Variants in GABRB3 observed in about 807,000 individuals in gnomAD.
GABRB3 encodes the protein gamma-aminobutyric acid receptor subunit beta-3.
In GABRB3, 14 loss-of-function variants were observed where a neutral mutation model predicts 52.1. The observed-to-expected ratio is 0.27, with a 90% confidence interval of 0.18 to 0.42. The LOEUF (loss-of-function observed/expected upper bound fraction) is 0.42. GABRB3 is among the 10% of genes least tolerant of loss of function. GABRB3 has a pLI of 1.00. For synonymous variants in GABRB3, 260 were observed against 232.3 expected (o/e 1.12, Z -1.08); for missense variants, 307 against 609.1 (o/e 0.50, Z 5.22).
intron 3 of GABRB3, among the ~76,000 whole-genome samples, chr15:26,748,927 G>A (rs964086319): frequency 6.6e-6 from 1 of 152,116 alleles, no homozygotes; most frequent in Non-Finnish European, 1.5e-5. Context: ...TTGGGAGGCT[G>A]AGGCAGGAGA....
At chr15:26,671,725 A>G (rs1166748126) in intron 3 of GABRB3, among the ~76,000 whole-genome samples, 1 of 152,120 alleles carries the variant, frequency 6.6e-6, no homozygotes, top group Non-Finnish European at 1.5e-5. Flanking sequence ...ACATGTTTTC[A>G]ATTTACTTTG....
At chr15:26,682,931 G>A (rs1057452717) in intron 3 of GABRB3, among the ~76,000 whole-genome samples, 22 of 152,202 alleles carry the variant, frequency 1.4e-4, no homozygotes, top group African/African-American at 5.3e-4. Flanking sequence ...CTCTCACAGT[G>A]CCAGGAGCTC....
chr15:26,718,199 C>CTTAT (rs921546172), intron 3 of GABRB3, among the ~76,000 whole-genome samples: 12 of 152,168 alleles, frequency 7.9e-5, no homozygotes, highest in South Asian at 2.1e-4. Flanking sequence ...TAGCTTATTT[C>CTTAT]TTATTTATTT....
At chr15:26,700,794 G>T (rs1888904761) in intron 3 of GABRB3, among the ~76,000 whole-genome samples, 1 of 152,190 alleles carries the variant, frequency 6.6e-6, no homozygotes, top group Non-Finnish European at 1.5e-5. Flanking sequence ...AGTGGCTCAC[G>T]CCTGTAATCC....
chr15:26,736,342 G>GAAATACTTTATTCTTTATA (rs1442096235), intron 3 of GABRB3, among the ~76,000 whole-genome samples: 3 of 152,140 alleles, frequency 2.0e-5, no homozygotes, highest in Admixed American at 2.0e-4. Context: ...TTAGTATAAA[G>GAAATACTTTATTCTTTATA]CAGACAAGAA....
intron 3 of GABRB3, among the ~76,000 whole-genome samples, chr15:26,679,124 G>A (rs560125925): frequency 6.6e-6 from 1 of 152,264 alleles, no homozygotes; most frequent in African/African-American, 2.4e-5. Flanking sequence ...CAACACTTCA[G>A]TCATACCTTA....
At chr15:26,616,416 A>C (rs75248883) in intron 4 of GABRB3, among the ~76,000 whole-genome samples, 9,694 of 152,220 alleles carry the variant, frequency 0.064, 1,009 homozygotes, top group African/African-American at 0.22. Flanking sequence ...AAATTTCTAG[A>C]ATAGCCAATT....
At chr15:26,688,169 C>A (rs142964499) in intron 3 of GABRB3, among the ~76,000 whole-genome samples, 108 of 152,284 alleles carry the variant, frequency 7.1e-4, no homozygotes, top group Non-Finnish European at 1.3e-3. Flanking sequence ...GCAAGTATAT[C>A]CAATACCTTT....
chr15:26,737,127 G>A (rs1412479601), intron 3 of GABRB3, among the ~76,000 whole-genome samples: 1 of 152,232 alleles, frequency 6.6e-6, no homozygotes, highest in Non-Finnish European at 1.5e-5. Context: ...GGCCACTGGA[G>A]CTTGCCCCCT....
chr15:26,685,590 A>G (rs998867782), intron 3 of GABRB3, among the ~76,000 whole-genome samples: 9 of 152,230 alleles, frequency 5.9e-5, no homozygotes, highest in African/African-American at 2.2e-4. Context: ...AGATGAGATT[A>G]TCTCAAAAAG....
chr15:26,745,970 T>C (rs1890327008), intron 3 of GABRB3, among the ~76,000 whole-genome samples: 1 of 152,136 alleles, frequency 6.6e-6, no homozygotes, highest in Non-Finnish European at 1.5e-5. Context: ...TGCCACAGAG[T>C]GCAATTGCTG....
intron 3 of GABRB3, among the ~76,000 whole-genome samples, chr15:26,738,088 GTGT>G (rs1287198665): frequency 1.3e-5 from 2 of 151,862 alleles, no homozygotes; most frequent in Admixed American, 6.6e-5. Context: ...GTTCTTCTTC[GTGT>G]TGTTGTTTTG....
chr15:26,602,526 T>A (rs992869826), intron 4 of GABRB3, among the ~76,000 whole-genome samples: 11 of 152,152 alleles, frequency 7.2e-5, no homozygotes, highest in African/African-American at 2.6e-4. Flanking sequence ...AAACCAAGTT[T>A]AAAACGTTGA....
chr15:26,731,854 A>G (rs891127568), intron 3 of GABRB3, among the ~76,000 whole-genome samples: 2 of 151,324 alleles, frequency 1.3e-5, no homozygotes, highest in African/African-American at 4.9e-5. Flanking sequence ...AACAAGGTAA[A>G]TGTGGCTAAA....
chr15:26,760,749 A>T (rs776946264), intron 3 of GABRB3, among the ~76,000 whole-genome samples: 175 of 151,836 alleles, frequency 1.2e-3, no homozygotes, highest in Non-Finnish European at 2.2e-3. Flanking sequence ...GAAAATAAGA[A>T]TGCTTCTTTT....
chr15:26,768,829 G>C (rs1891066620), intron 3 of GABRB3, among the ~76,000 whole-genome samples: 1 of 151,738 alleles, frequency 6.6e-6, no homozygotes, highest in African/African-American at 2.4e-5. Flanking sequence ...TGTACGAAAA[G>C]AAACATTAAA....
At chr15:26,606,804 C>CGATCGATAGA (rs200249563) in intron 4 of GABRB3, among the ~76,000 whole-genome samples, 2 of 42,768 alleles carry the variant, frequency 4.7e-5, no homozygotes, top group Non-Finnish European at 1.2e-4. Flanking sequence ...ATAGATATAT[C>CGATCGATAGA]TATAGATAGA....
chr15:26,589,058 G>A (rs972855950), intron 4 of GABRB3, among the ~76,000 whole-genome samples: 14 of 152,200 alleles, frequency 9.2e-5, no homozygotes, highest in African/African-American at 2.2e-4. Flanking sequence ...TTCCCTGCAC[G>A]CCTGAGTCAA....
At chr15:26,581,932 C>T (rs1890804491) in intron 5 of GABRB3, among the ~76,000 whole-genome samples, 1 of 100,828 alleles carries the variant, frequency 9.9e-6, no homozygotes, top group African/African-American at 3.8e-5. Context: ...TATCCCTTTG[C>T]TTACAACCGT....
Sources: gnomAD v4.1 joint callset for allele counts (sites outside exome capture counted in the v4.1 genomes callset) on GRCh38, gnomAD v4.1.1 for gene constraint, MANE v1.5 for transcripts, NCBI Gene and HGNC (gene_info 2026-07-23, HGNC 2026-07-21) for gene names.